ARHGEF26: variants seen among roughly 807,000 people sequenced by gnomAD.
The protein encoded by ARHGEF26 is Rho guanine nucleotide exchange factor (GEF) 26.
Under a neutral mutation model 89.4 loss-of-function variants are expected in ARHGEF26, and 59 were observed. That is an observed-to-expected ratio of 0.66 (90% CI 0.54 to 0.82). The LOEUF (loss-of-function observed/expected upper bound fraction) is 0.82, where lower values mean the gene tolerates loss of function less well. ARHGEF26 is among the 40% of genes least tolerant of loss of function. ARHGEF26 has a pLI of 0.00. For synonymous variants in ARHGEF26, 500 were observed against 428.4 expected (o/e 1.17, Z -2.06); for missense variants, 1,234 against 1,085.6 (o/e 1.14, Z -1.92).
At chr3:154,153,924 T>C (rs1053626238) in intron 6 of ARHGEF26, among the ~76,000 whole-genome samples, 5 of 152,238 alleles carry the variant, frequency 3.3e-5, no homozygotes, top group African/African-American at 1.2e-4. Flanking sequence ...GTTTTTTCCT[T>C]GCAATTATTT....
chr3:154,152,910 G>A lies in ARHGEF26; in HGVS notation c.1465G>A (p.Asp489Asn). The change falls in exon 6 of 15, where the codon GAT becomes AAT. Residue 489 changes from aspartate to asparagine, a missense_variant. Asp to Asn is a conservative substitution (Grantham distance 23). Transcript: ENST00000465093. The stretch of plus-strand genomic sequence containing the variant: ...GCACCATCTTTTCTCCAATATTACA[G>A]ATGTCTGTGAGGCAAGCAAAAAGTA... The part of the protein sequence containing the change: ...ERHHLFSNIT[D>N]VCEASKKFFI... 1 of 1,595,044 alleles carries A rather than the reference G, an allele frequency of 6.3e-7. No individual in the cohort carries two copies. Among genetic ancestry groups the A allele is most frequent in the Non-Finnish European group, 8.5e-7 (1 of 1,171,564 alleles).
intron 9 of ARHGEF26, among the ~76,000 whole-genome samples, chr3:154,215,791 C>T (rs531545269): frequency 6.6e-6 from 1 of 152,268 alleles, no homozygotes; most frequent in African/African-American, 2.4e-5. Flanking sequence ...TTCATGAGGA[C>T]TCTACTCTCA....
At chr3:154,215,070 A>C (rs1264586179) in intron 9 of ARHGEF26, among the ~76,000 whole-genome samples, 1 of 152,216 alleles carries the variant, frequency 6.6e-6, no homozygotes, top group Non-Finnish European at 1.5e-5. Context: ...CACTGAAAGC[A>C]TGCTGGTGAC....
chr3:154,254,157 C>T (rs1336645031), intron 13 of ARHGEF26, among the ~76,000 whole-genome samples: 4 of 152,168 alleles, frequency 2.6e-5, no homozygotes, highest in Non-Finnish European at 4.4e-5. Flanking sequence ...CCTCGTGATC[C>T]GCCTGCCTCG....
At chr3:154,228,144 T>C (rs1034319645) in intron 11 of ARHGEF26, among the ~76,000 whole-genome samples, 5 of 151,780 alleles carry the variant, frequency 3.3e-5, no homozygotes, top group African/African-American at 9.7e-5. Context: ...GAATTTTTTT[T>C]TTTTTTTTGA....
intron 9 of ARHGEF26, among the ~76,000 whole-genome samples, chr3:154,202,948 G>A (rs1714746668): frequency 6.6e-6 from 1 of 152,044 alleles, no homozygotes; most frequent in Non-Finnish European, 1.5e-5. Context: ...CTGCAAACAG[G>A]GACAATTTGA....
chr3:154,178,878 C>G (rs916643273), intron 6 of ARHGEF26, among the ~76,000 whole-genome samples: 1 of 152,038 alleles, frequency 6.6e-6, no homozygotes, highest in African/African-American at 2.4e-5. Context: ...TTTTTCCAGC[C>G]CTACACCCTG....
chr3:154,123,223 C>G (rs1718110010), intron 2 of ARHGEF26, 148 bp downstream of exon 2: 1 of 1,221,576 alleles, frequency 8.2e-7, no homozygotes. Flanking sequence ...ACATCCAGCT[C>G]TTGGCCACTT....
intron 5 of ARHGEF26, 39 bp from the exon 6 acceptor site, chr3:154,152,733 A>G (rs1231824801): frequency 7.3e-7 from 1 of 1,363,426 alleles, no homozygotes; most frequent in Non-Finnish European, 9.6e-7. Context: ...TTCTTTAATT[A>G]AAAGAATTAA....
At chr3:154,189,358 G>A (rs1713801288) in intron 7 of ARHGEF26, among the ~76,000 whole-genome samples, 1 of 112,540 alleles carries the variant, frequency 8.9e-6, no homozygotes, top group Admixed American at 1.1e-4. Flanking sequence ...TTTTTTTTGA[G>A]ATGGAGTCTC....
At chr3:154,246,974 C>T (rs140801734) in intron 12 of ARHGEF26, among the ~76,000 whole-genome samples, 5 of 152,254 alleles carry the variant, frequency 3.3e-5, no homozygotes, top group South Asian at 2.1e-4. Flanking sequence ...TCAACCTTGG[C>T]GTGACTTCTT....
chr3:154,200,209 T>G (rs983542492), intron 9 of ARHGEF26, among the ~76,000 whole-genome samples: 1 of 152,202 alleles, frequency 6.6e-6, no homozygotes, highest in Non-Finnish European at 1.5e-5. Context: ...GATTTAAGTA[T>G]TTACTCCATT....
intron 11 of ARHGEF26, among the ~76,000 whole-genome samples, chr3:154,229,181 T>A (rs571984308): frequency 6.6e-6 from 1 of 152,264 alleles, no homozygotes; most frequent in South Asian, 2.1e-4. Context: ...TTTAGAACAT[T>A]AAAAACAAGC....
chr3:154,231,157 T>C (rs1187221820), intron 11 of ARHGEF26, among the ~76,000 whole-genome samples: 1 of 152,236 alleles, frequency 6.6e-6, no homozygotes, highest in Non-Finnish European at 1.5e-5. Flanking sequence ...CTGACCATTT[T>C]GGAATTGAGT....
chr3:154,152,972 T>G, intron 6 of ARHGEF26, 40 bp downstream of exon 6: 2 of 1,469,328 alleles, frequency 1.4e-6, no homozygotes, highest in Non-Finnish European at 1.8e-6. Flanking sequence ...TGCCAAGAAG[T>G]TGCGTACTAA....
At chr3:154,210,652 T>G (rs1043151981) in intron 9 of ARHGEF26, among the ~76,000 whole-genome samples, 5 of 150,894 alleles carry the variant, frequency 3.3e-5, no homozygotes, top group Non-Finnish European at 7.4e-5. Context: ...TCTACAAACG[T>G]TGTCTGGGGC....
In ARHGEF26 at chr3:154,149,457, C is replaced by T. The variant is rs761593284; in HGVS notation, c.1326+12C>T. The T allele has an allele frequency of 2.6e-5, 41 of 1,601,970 alleles. No homozygotes were observed. In the East Asian group the frequency reaches 8.3e-4, roughly 32 times the overall value. ...GAAAGAGACAAGAGGTATGTTTCTA[C>T]CGAGCAGCTGCTTTAGAGCTCTGGA... On this transcript the variant is annotated intron_variant, in intron 5 of 14. Coordinates refer to ENST00000465093, the MANE Select transcript of ARHGEF26 (RefSeq NM_015595.4).
intron 14 of ARHGEF26, 143 bp from the exon 15 acceptor site, chr3:154,255,188 G>GA (rs1718419179): frequency 2.4e-6 from 2 of 839,034 alleles, no homozygotes; most frequent in Non-Finnish European, 3.7e-6. Context: ...ATTCCCCCTC[G>GA]AAAGCTTTCC....
At position 154,187,678 on chromosome 3, in the gene ARHGEF26, T is replaced by G; in HGVS notation, c.1488-7T>G. The stretch of plus-strand genomic sequence containing the variant: ...GTGTTAATTTTTTTTTCCCTTTGGT[T>G]TTTCAGGTTCTTTATAGAGTTGGAA... On this transcript the variant is annotated splice_polypyrimidine_tract_variant and splice_region_variant and intron_variant, in intron 6 of 14. Coordinates refer to ENST00000465093, the MANE Select transcript of ARHGEF26 (RefSeq NM_015595.4). The G allele has an allele frequency of 1.3e-6, 2 of 1,593,798 alleles. No individual in the cohort carries two copies.
Sources: allele counts gnomAD v4.1 joint callset (sites outside exome capture counted in the v4.1 genomes callset), GRCh38; gene constraint gnomAD v4.1.1; transcripts MANE v1.5; gene names NCBI Gene and HGNC (gene_info 2026-07-23, HGNC 2026-07-21).